HERC5: variants seen among roughly 807,000 people sequenced by gnomAD.
The protein encoded by HERC5 is E3 ISG15--protein ligase HERC5.
HERC5 carries 99 observed loss-of-function variants against 119.6 expected under a neutral mutation model. That is an observed-to-expected ratio of 0.83 (90% CI 0.70 to 0.98). The LOEUF is 0.98. Ranked by LOEUF, HERC5 falls within the 50% of genes least tolerant of loss-of-function variation. The pLI, the probability that HERC5 is intolerant of heterozygous loss-of-function variation, is 0.00. For synonymous variants in HERC5, 478 were observed against 445.9 expected (o/e 1.07, Z -0.91); for missense variants, 1,267 against 1,241.3 (o/e 1.02, Z -0.31).
intron 15 of HERC5, 47 bp from the exon 16 acceptor site, chr4:88,489,119 G>C: frequency 1.3e-6 from 2 of 1,518,788 alleles, no homozygotes; most frequent in South Asian, 1.2e-5. Flanking sequence ...ACTTAGAGAG[G>C]GCCAATGGTA....
At chr4:88,465,819 G>A (rs140500541) in intron 6 of HERC5, among the ~76,000 whole-genome samples, 1 of 152,274 alleles carries the variant, frequency 6.6e-6, no homozygotes, top group East Asian at 1.9e-4. Context: ...ACACATAAGG[G>A]CAGGGTATAG....
chr4:88,489,521 T>C (rs1741566415), intron 16 of HERC5, among the ~76,000 whole-genome samples, 185 bp downstream of exon 16: 1 of 152,096 alleles, frequency 6.6e-6, no homozygotes, highest in African/African-American at 2.4e-5. Context: ...TCACTCAGTA[T>C]GTTTGGGCTA....
rs1049108081 is a variant in HERC5 at position 88,505,958 on chromosome 4, T to G, written c.*80T>G. 4.1e-6 allele frequency: 5 copies of G among 1,223,092 alleles called. No individual in the cohort carries two copies. In the African/African-American group the frequency reaches 7.6e-5, roughly 19 times the overall value. The allele number at this position is 1,223,092 out of a possible 1,614,324, so 75.8% of individuals were successfully genotyped here. A position where few individuals can be genotyped will look rare whatever the true frequency, so the allele number is the denominator to read the frequency against. On this transcript the variant is annotated 3_prime_UTR_variant, in exon 23 of 23. Transcript: ENST00000264350. Reference sequence around the variant, plus strand: ...TTGTTGTTGTTGTTTCTCTACTTTGTTTTGTTTTAGGCTTTTAGCAGCCTG... The same window carrying G: ...TTGTTGTTGTTGTTTCTCTACTTTGGTTTGTTTTAGGCTTTTAGCAGCCTG...
At chr4:88,501,026 AT>A in intron 20 of HERC5, 41 bp downstream of exon 20, 2 of 1,370,530 alleles carry the variant, frequency 1.5e-6, no homozygotes, top group Non-Finnish European at 2.0e-6. Flanking sequence ...TATATGTACT[AT>A]TTTTATTTTA....
intron 20 of HERC5, 75 bp from the exon 21 acceptor site, chr4:88,504,157 G>T: frequency 1.1e-6 from 1 of 912,322 alleles, no homozygotes; most frequent in Non-Finnish European, 1.7e-6. Flanking sequence ...AGGTATTCTA[G>T]CTTTTATTTT....
Position 88,494,213 on chromosome 4 carries a change from C to T in HERC5, c.2326C>T (p.Leu776Phe). 6.2e-7 allele frequency: 1 copy of T among 1,612,968 alleles called. No homozygotes were observed. The highest frequency in any genetic ancestry group is 8.5e-7 in the Non-Finnish European group (1 of 1,179,526). ...CTTCTTTTTTGGGGTTCTATGTGGACTTTCCCTGTTCAATTGCAATGTTGC... is the reference window on the plus strand; with the variant it reads ...CTTCTTTTTTGGGGTTCTATGTGGATTTTCCCTGTTCAATTGCAATGTTGC... Reference protein sequence around the residue: ...RYFFFGVLCGLSLFNCNVANL... With the variant: ...RYFFFGVLCGFSLFNCNVANL... The change falls in exon 18 of 23, where the codon CTT (leucine) becomes TTT (phenylalanine). Residue 776 changes from leucine to phenylalanine, a missense_variant. Around this residue, in one of 3 missense-constraint regions of HERC5, gnomAD observed 473 missense variants for 445.7 expected, o/e 1.06. Coordinates refer to ENST00000264350, the MANE Select transcript of HERC5 (RefSeq NM_016323.4).
intron 16 of HERC5, among the ~76,000 whole-genome samples, chr4:88,492,193 G>T (rs1012579150): frequency 1.3e-5 from 2 of 151,358 alleles, no homozygotes; most frequent in African/African-American, 4.9e-5. Context: ...TAGTAGAGAC[G>T]GGGTTTCACC....
At position 88,457,488 on chromosome 4, in the gene HERC5, C is replaced by G; in HGVS notation, c.219C>G (p.Val73=). ...TCTTGGAACGCGGCGGGGCGGGCGT[C>G]CAGGTTCACCAGCTGCTCGCCGGGA... ...LAVLERGGAG[V]QVHQLLAGSG... Residue 73 remains valine (V), a synonymous_variant, in exon 1 of 23, where the codon GTC becomes GTG. Coordinates refer to ENST00000264350, the MANE Select transcript of HERC5 (RefSeq NM_016323.4). 1 of 1,318,032 alleles carries G rather than the reference C, an allele frequency of 7.6e-7. No homozygotes were observed. Among genetic ancestry groups the G allele is most frequent in the South Asian group, 2.2e-5 (1 of 45,524 alleles). 81.6% of individuals were successfully genotyped at this position (1,318,032 alleles called of 1,614,324 possible).
intron 13 of HERC5, among the ~76,000 whole-genome samples, chr4:88,480,444 G>GT (rs563743483): frequency 0.18 from 25,203 of 142,048 alleles, 2,633 homozygotes; most frequent in East Asian, 0.52. Context: ...TCTTGTGTGT[G>GT]TTTTTTTTTT....
chr4:88,475,582 A>G (rs554397749), intron 11 of HERC5, among the ~76,000 whole-genome samples: 21 of 151,838 alleles, frequency 1.4e-4, no homozygotes, highest in African/African-American at 3.9e-4. Flanking sequence ...CTCCCAAAGT[A>G]CTGGTTAGGT....
chr4:88,500,774 T>C (rs1741923962), intron 19 of HERC5, 141 bp from the exon 20 acceptor site: 2 of 664,412 alleles, frequency 3.0e-6, no homozygotes, highest in Non-Finnish European at 5.1e-6. Context: ...TTTTTGTTTG[T>C]ACATTCCTTG....
intron 3 of HERC5, among the ~76,000 whole-genome samples, chr4:88,461,607 C>T (rs988573243): frequency 2.0e-5 from 3 of 152,086 alleles, no homozygotes; most frequent in African/African-American, 4.8e-5. Context: ...CATCTAAGAA[C>T]GCTCCCTAAA....
intron 8 of HERC5, 113 bp downstream of exon 8, chr4:88,468,535 G>A: frequency 3.1e-6 from 2 of 645,662 alleles, no homozygotes; most frequent in Non-Finnish European, 5.3e-6. Context: ...CTGACTTTTT[G>A]GGGGATAGCT....
At chr4:88,498,484 G>C (rs1277209499) in intron 18 of HERC5, among the ~76,000 whole-genome samples, 2 of 152,194 alleles carry the variant, frequency 1.3e-5, no homozygotes, top group African/African-American at 4.8e-5. Context: ...TTTGGACTTA[G>C]TTGGGACCTA....
intron 12 of HERC5, among the ~76,000 whole-genome samples, chr4:88,478,592 G>T (rs1473386799): frequency 6.6e-6 from 1 of 151,988 alleles, no homozygotes; most frequent in Non-Finnish European, 1.5e-5. Context: ...ATAAGTAGAT[G>T]TTAGCTGTCT....
chr4:88,479,960 G>T (rs1386097073), intron 13 of HERC5, among the ~76,000 whole-genome samples: 1 of 151,768 alleles, frequency 6.6e-6, no homozygotes, highest in Non-Finnish European at 1.5e-5. Context: ...CCAGCTACTC[G>T]GGAGGCTGAG....
intron 20 of HERC5, among the ~76,000 whole-genome samples, chr4:88,502,646 G>A (rs1443029843): frequency 6.6e-6 from 1 of 152,220 alleles, no homozygotes; most frequent in Non-Finnish European, 1.5e-5. Context: ...ACTTTCATCA[G>A]TAGGGTACGA....
chr4:88,472,305 C>G (rs1740902373), intron 10 of HERC5, 104 bp from the exon 11 acceptor site: 1 of 697,680 alleles, frequency 1.4e-6, no homozygotes, highest in African/African-American at 1.8e-5. Context: ...TAGTTACACA[C>G]TTGAGAAAAA....
chr4:88,474,424 A>G (rs1291580959), intron 11 of HERC5, among the ~76,000 whole-genome samples: 1 of 152,204 alleles, frequency 6.6e-6, no homozygotes, highest in Admixed American at 6.5e-5. Flanking sequence ...AGGGTATCAC[A>G]GTAATTCTAA....
Sources: allele counts gnomAD v4.1 joint callset (sites outside exome capture counted in the v4.1 genomes callset), GRCh38; gene constraint gnomAD v4.1.1; regional missense constraint gnomAD v4.1.1; transcripts MANE v1.5; gene names NCBI Gene and HGNC (gene_info 2026-07-23, HGNC 2026-07-21).